The following ADAM12 variants were observed in gnomAD, a reference collection of about 807,000 sequenced individuals.
ADAM12 encodes ADAM metallopeptidase domain 12.
In ADAM12, 70 loss-of-function variants were observed where a neutral mutation model predicts 106.4. The ratio of observed to expected loss-of-function variants is 0.66; its 90% CI spans 0.54 to 0.80. The LOEUF (loss-of-function observed/expected upper bound fraction) is 0.80, where lower values mean the gene tolerates loss of function less well. Among genes scored for constraint, ADAM12 ranks in the 30% least tolerant of loss-of-function variants. The pLI is 0.00. For missense variants in ADAM12, 1,010 were observed against 1,171.9 expected (o/e 0.86, Z 2.02); for synonymous variants, 420 against 433.5 (o/e 0.97, Z 0.39).
At chr10:126,368,695 C>T (rs1590833582) in intron 1 of ADAM12, among the ~76,000 whole-genome samples, 1 of 151,366 alleles carries the variant, frequency 6.6e-6, no homozygotes, top group South Asian at 2.1e-4. Flanking sequence ...AAGGTGAGCT[C>T]TGTTTTAGAA....
rs994463581 is a variant in ADAM12, at chr10:126,053,866, T to C, written c.1610-4197A>G. On this transcript the variant is annotated intron_variant, in intron 14 of 22. Coordinates refer to ENST00000448723, the MANE Select transcript of ADAM12 (RefSeq NM_001288973.2). This position sits in a 1 kb window ranked among gnomAD's most constrained non-coding sequence, Gnocchi z 4.6. ...AATTACAGGTGCCCACCACCACGAC[T>C]GGCTAATATTTTGTATTTTTAGTAG... Among the ~76,000 whole-genome samples the C allele has an allele frequency of 2.0e-5, 3 of 152,094 alleles. No individual in the cohort carries two copies. Among genetic ancestry groups the C allele is most frequent in the Non-Finnish European group, 4.4e-5 (3 of 68,022 alleles).
At position 126,046,078 on chromosome 10, in the gene ADAM12, C is replaced by T. The variant is rs1954309612; in HGVS notation, c.1972G>A (p.Ala658Thr). The T allele has an allele frequency of 2.5e-6, 4 of 1,614,066 alleles. No homozygotes were observed. The African/African-American group carries it at 5.3e-5, about 22-fold the overall frequency. The change falls in exon 17 of 23, where the codon GCA (alanine) becomes ACA (threonine). Residue 658 changes from alanine (A) to threonine (T), a missense_variant. This residue lies in a region of ADAM12 where 615 missense variants were observed against 708.5 expected (regional missense o/e 0.87). Transcript: ENST00000448723. ...ACCCCTCTGCCGTGGCACTGCATTG[C>T]ACACTCGTGAACCCCAAAGACACTA... The part of the protein sequence containing the change: ...NISVFGVHEC[A>T]MQCHGRGVCN...
intron 2 of ADAM12, among the ~76,000 whole-genome samples, chr10:126,321,129 T>C (rs1854080794): frequency 6.6e-6 from 1 of 152,138 alleles, no homozygotes; most frequent in African/African-American, 2.4e-5. Flanking sequence ...GAAAACAGAA[T>C]TCATCAAACT....
chr10:126,200,888 C>G (rs1957686750), intron 3 of ADAM12, among the ~76,000 whole-genome samples: 1 of 151,674 alleles, frequency 6.6e-6, no homozygotes, highest in Non-Finnish European at 1.5e-5. Context: ...GTGGTTAAAT[C>G]AAAGCAACAG....
intron 3 of ADAM12, among the ~76,000 whole-genome samples, chr10:126,274,657 T>C (rs903558108): frequency 6.6e-6 from 1 of 152,138 alleles, no homozygotes; most frequent in South Asian, 2.1e-4. Context: ...TATATCTTCA[T>C]CGAGATGGTC....
rs1302504967 is a variant in ADAM12 at position 126,014,429 on chromosome 10, C to G, written c.*2850G>C. ...AAAGTTAAGAAGGCATAAAAATGCC[C>G]CCCCCCCGAGACTCGTCAGGAGTAT... On this transcript the variant is annotated 3_prime_UTR_variant, in exon 23 of 23. Coordinates refer to ENST00000448723, the MANE Select transcript of ADAM12 (RefSeq NM_001288973.2). 1 of 59,730 alleles carries G rather than the reference C, an allele frequency of 1.7e-5. No individual in the cohort carries two copies. Among genetic ancestry groups the G allele is most frequent in the African/African-American group, 5.1e-5 (1 of 19,552 alleles). The allele number at this position is 59,730 out of a possible 1,614,324, so 3.7% of individuals were successfully genotyped here. A position where few individuals can be genotyped will look rare whatever the true frequency, so the allele number is the denominator to read the frequency against.
At chr10:126,121,620 G>C (rs1477705117) in intron 5 of ADAM12, among the ~76,000 whole-genome samples, 1 of 149,204 alleles carries the variant, frequency 6.7e-6, no homozygotes, top group African/African-American at 2.5e-5. Flanking sequence ...ATCAATCCTC[G>C]AGGAATAGCT....
chr10:126,019,905 C>T, intron 21 of ADAM12, 80 bp from the exon 22 acceptor site: 5 of 1,451,844 alleles, frequency 3.4e-6, no homozygotes, highest in South Asian at 1.4e-5. Context: ...TGCCGCTTGG[C>T]ACAGGCCCTG....
chr10:126,209,622 T>C (rs1322484530), intron 3 of ADAM12, among the ~76,000 whole-genome samples: 1 of 152,224 alleles, frequency 6.6e-6, no homozygotes, highest in Admixed American at 6.5e-5. Context: ...CACATGATGA[T>C]TGAAATAATC....
intron 5 of ADAM12, among the ~76,000 whole-genome samples, chr10:126,124,739 A>G (rs913699389): frequency 6.6e-6 from 1 of 151,912 alleles, no homozygotes; most frequent in Non-Finnish European, 1.5e-5. Context: ...CTGAAAATAC[A>G]AAAATTAGCA....
At chr10:126,076,364 G>A (rs957710692) in intron 11 of ADAM12, among the ~76,000 whole-genome samples, 10 of 152,144 alleles carry the variant, frequency 6.6e-5, no homozygotes, top group African/African-American at 1.2e-4. Context: ...TGTGAATAGC[G>A]CTATAATGAA....
chr10:126,048,178 A>G (rs1003079283), intron 16 of ADAM12, among the ~76,000 whole-genome samples: 2 of 152,184 alleles, frequency 1.3e-5, no homozygotes, highest in African/African-American at 4.8e-5. Flanking sequence ...ATCAGGAAGA[A>G]TAACTAATGG....
intron 1 of ADAM12, among the ~76,000 whole-genome samples, chr10:126,345,108 G>C (rs1416895055): frequency 1.1e-4 from 16 of 152,140 alleles, no homozygotes; most frequent in African/African-American, 2.4e-4. Flanking sequence ...TGCCAGTTTT[G>C]AAAGGGAATG....
intron 2 of ADAM12, among the ~76,000 whole-genome samples, chr10:126,326,772 C>T (rs1020236470): frequency 7.9e-5 from 12 of 152,118 alleles, no homozygotes; most frequent in Admixed American, 1.3e-4. Context: ...CTCTTTGGCT[C>T]CCTCTGTCGC....
At position 126,107,635 on chromosome 10, in the gene ADAM12, T is replaced by C. The variant is rs1955797656; in HGVS notation, c.741+958A>G. Reference sequence around the variant, plus strand: ...GGCTCAGCCATGACCAGATCCCTTCTCACACTGTCCCCACAGGCAAGAGAC... The same window carrying C: ...GGCTCAGCCATGACCAGATCCCTTCCCACACTGTCCCCACAGGCAAGAGAC... On this transcript the variant is annotated intron_variant, in intron 8 of 22. Coordinates refer to ENST00000448723, the MANE Select transcript of ADAM12 (RefSeq NM_001288973.2). 3.3e-5 allele frequency among the ~76,000 whole-genome samples: 5 copies of C among 152,316 alleles called. No individual in the cohort carries two copies. The South Asian group carries it at 1.0e-3, about 32-fold the overall frequency.
At chr10:126,147,214 TG>T (rs889698754) in intron 4 of ADAM12, among the ~76,000 whole-genome samples, 3 of 152,212 alleles carry the variant, frequency 2.0e-5, no homozygotes, top group Non-Finnish European at 4.4e-5. Flanking sequence ...GAAACATTTT[TG>T]GGTCCTGATC....
intron 3 of ADAM12, among the ~76,000 whole-genome samples, chr10:126,209,007 T>C (rs1957850578): frequency 6.6e-6 from 1 of 152,230 alleles, no homozygotes. Flanking sequence ...CTTTTCAGAA[T>C]TAATGAAACT....
intron 2 of ADAM12, among the ~76,000 whole-genome samples, chr10:126,324,928 G>A (rs1590783319): frequency 1.3e-5 from 2 of 151,704 alleles, no homozygotes; most frequent in South Asian, 4.2e-4. Flanking sequence ...CTGATACAGC[G>A]GTTCACACAG....
intron 4 of ADAM12, among the ~76,000 whole-genome samples, chr10:126,154,389 C>T (rs766401447): frequency 1.1e-4 from 17 of 152,172 alleles, no homozygotes; most frequent in Non-Finnish European, 2.2e-4. Flanking sequence ...TGGAAGGCTG[C>T]AGGTATCAGC....
Sources: allele counts gnomAD v4.1 joint callset (sites outside exome capture counted in the v4.1 genomes callset), GRCh38; gene constraint gnomAD v4.1.1; regional missense constraint gnomAD v4.1.1; non-coding constraint Gnocchi (gnomAD v3.1); transcripts MANE v1.5; gene names NCBI Gene and HGNC (gene_info 2026-07-23, HGNC 2026-07-21).